Variants in GPHN observed in about 807,000 individuals in gnomAD.
GPHN encodes gephyrin.
Under a neutral mutation model 95.5 loss-of-function variants are expected in GPHN, and 17 were observed. The observed-to-expected ratio is 0.18, with a 90% CI of 0.12 to 0.27. The LOEUF (loss-of-function observed/expected upper bound fraction) is 0.27. Ranked by LOEUF, GPHN falls within the 10% of genes least tolerant of loss-of-function variation. The pLI, the probability that GPHN is intolerant of heterozygous loss-of-function variation, is 1.00. For missense variants in GPHN, 660 were observed against 978.1 expected (o/e 0.67, Z 4.34); for synonymous variants, 320 against 322.5 (o/e 0.99, Z 0.08).
At chr14:66,827,637 T>G (rs2061432052) in intron 4 of GPHN, among the ~76,000 whole-genome samples, 1 of 152,088 alleles carries the variant, frequency 6.6e-6, no homozygotes, top group East Asian at 1.9e-4. Flanking sequence ...ATGGACACAT[T>G]TGATAGTTTT....
At chr14:66,547,996 A>G (rs1209266863) in intron 1 of GPHN, among the ~76,000 whole-genome samples, 1 of 152,120 alleles carries the variant, frequency 6.6e-6, no homozygotes, top group Non-Finnish European at 1.5e-5. Flanking sequence ...TTTTTCACAA[A>G]TTGAAGGTTT....
At chr14:66,526,408 A>G (rs932588287) in intron 1 of GPHN, among the ~76,000 whole-genome samples, 26 of 152,334 alleles carry the variant, frequency 1.7e-4, no homozygotes, top group African/African-American at 6.3e-4. Context: ...TTCTAAATAT[A>G]CAATCATGTT....
At chr14:66,591,027 A>T (rs1318368638) in intron 1 of GPHN, among the ~76,000 whole-genome samples, 19 of 152,204 alleles carry the variant, frequency 1.2e-4, no homozygotes, top group Non-Finnish European at 4.4e-5. Context: ...AACACAATCC[A>T]TTATGTAAAC....
chr14:67,728,991 G>C, the GPHN span, among the ~76,000 whole-genome samples: 2 of 152,166 alleles, frequency 1.3e-5, no homozygotes, highest in African/African-American at 4.8e-5. Context: ...GAACATAGAA[G>C]GCTGAGAAGG....
intron 11 of GPHN, among the ~76,000 whole-genome samples, chr14:67,086,559 G>A (rs1366241092): frequency 2.7e-5 from 4 of 150,836 alleles, no homozygotes; most frequent in Admixed American, 6.6e-5. Flanking sequence ...GCTAAGGCAG[G>A]AGAATGGCGT....
chr14:67,161,730 G>A (rs1014872214), intron 19 of GPHN, among the ~76,000 whole-genome samples: 1 of 152,084 alleles, frequency 6.6e-6, no homozygotes, highest in African/African-American at 2.4e-5. Context: ...TCCAGCCTGG[G>A]CAGCAGAGTA....
the GPHN span, among the ~76,000 whole-genome samples, chr14:67,339,429 T>C: frequency 6.6e-6 from 1 of 152,204 alleles, no homozygotes; most frequent in African/African-American, 2.4e-5. Context: ...TAACCTTTGA[T>C]AATTAAGATT....
At chr14:67,070,707 A>ATAT (rs1349196003) in intron 11 of GPHN, among the ~76,000 whole-genome samples, 2 of 92,914 alleles carry the variant, frequency 2.2e-5, no homozygotes, top group African/African-American at 2.6e-4. Context: ...AAAAAAAAAA[A>ATAT]AAAAAAAAAT....
At chr14:66,934,648 A>G (rs185612687) in intron 8 of GPHN, among the ~76,000 whole-genome samples, 48 of 152,348 alleles carry the variant, frequency 3.2e-4, no homozygotes, top group African/African-American at 1.1e-3. Flanking sequence ...GAGGAAATAT[A>G]CAACCCCAAG....
the GPHN span, among the ~76,000 whole-genome samples, chr14:67,605,514 A>C: frequency 6.6e-6 from 1 of 152,078 alleles, no homozygotes; most frequent in East Asian, 1.9e-4. Flanking sequence ...GAGCTATTGT[A>C]CCCAGCCTTG....
intron 9 of GPHN, among the ~76,000 whole-genome samples, chr14:66,981,471 A>G (rs926443566): frequency 6.6e-6 from 1 of 152,206 alleles, no homozygotes; most frequent in African/African-American, 2.4e-5. Flanking sequence ...AAAACTTTAA[A>G]AAAAAAATCT....
intron 2 of GPHN, 64 bp from the exon 3 acceptor site, chr14:66,776,400 A>T (rs1160333585): frequency 8.2e-6 from 8 of 972,274 alleles, no homozygotes; most frequent in Non-Finnish European, 1.3e-5. Context: ...GTAATGGCAG[A>T]AATCTTTCAT....
At chr14:66,677,807 T>G (rs1349267128) in intron 1 of GPHN, among the ~76,000 whole-genome samples, 1 of 152,186 alleles carries the variant, frequency 6.6e-6, no homozygotes, top group African/African-American at 2.4e-5. Flanking sequence ...AAATATGTTC[T>G]GTAAGCCATC....
chr14:66,864,576 C>G (rs536141630), intron 4 of GPHN, among the ~76,000 whole-genome samples: 154 of 152,238 alleles, frequency 1.0e-3, no homozygotes, highest in African/African-American at 3.6e-3. Flanking sequence ...AGTTCAAGAC[C>G]ATTCTGGCCA....
intron 8 of GPHN, among the ~76,000 whole-genome samples, chr14:66,945,736 AAAAG>A (rs2067708992): frequency 6.6e-6 from 1 of 152,236 alleles, no homozygotes; most frequent in South Asian, 2.1e-4. Flanking sequence ...TTAAAAAGGT[AAAAG>A]AAAGCAGTGT....
At chr14:67,486,820 G>A in the GPHN span, among the ~76,000 whole-genome samples, 10 of 152,228 alleles carry the variant, frequency 6.6e-5, no homozygotes, top group South Asian at 2.1e-4. Context: ...GCCATAAGAC[G>A]GCTCCCGCAT....
At chr14:66,613,554 G>C (rs1422376817) in intron 1 of GPHN, among the ~76,000 whole-genome samples, 6 of 152,068 alleles carry the variant, frequency 3.9e-5, no homozygotes, top group African/African-American at 1.4e-4. Context: ...TCAAATTTTT[G>C]CTGCTCCGTA....
At chr14:66,920,410 CAT>C in intron 6 of GPHN, among the ~76,000 whole-genome samples, 1 of 152,058 alleles carries the variant, frequency 6.6e-6, no homozygotes, top group East Asian at 1.9e-4. Context: ...GTTACACAAT[CAT>C]AGCTCACTGC....
At chr14:67,464,099 A>G in the GPHN span, among the ~76,000 whole-genome samples, 1 of 151,780 alleles carries the variant, frequency 6.6e-6, no homozygotes, top group African/African-American at 2.4e-5. Flanking sequence ...TGTATGTGAG[A>G]CAGAGAGAAA....
Sources: gnomAD v4.1 joint callset for allele counts (sites outside exome capture counted in the v4.1 genomes callset) on GRCh38, gnomAD v4.1.1 for gene constraint, MANE v1.5 for transcripts, NCBI Gene and HGNC (gene_info 2026-07-23, HGNC 2026-07-21) for gene names.